Variants in FAM117A observed in about 807,000 individuals in gnomAD.
FAM117A encodes the protein protein FAM117A.
In FAM117A, 21 loss-of-function variants were observed where a neutral mutation model predicts 44.1. The observed-to-expected ratio is 0.48, with a 90% confidence interval of 0.34 to 0.69. The LOEUF (loss-of-function observed/expected upper bound fraction) is 0.69. FAM117A is among the 30% of genes least tolerant of loss of function. The pLI, the probability that FAM117A is intolerant of heterozygous loss-of-function variation, is 0.01. For missense variants in FAM117A, 498 were observed against 589.9 expected (o/e 0.84, Z 1.61); for synonymous variants, 220 against 238.3 (o/e 0.92, Z 0.71).
At chr17:49,782,698 A>G (rs1228697194) in intron 1 of FAM117A, among the ~76,000 whole-genome samples, 1 of 122,540 alleles carries the variant, frequency 8.2e-6, no homozygotes, top group Non-Finnish European at 2.0e-5. Context: ...TCAAAAAAAA[A>G]AAAAAAAAAA....
In FAM117A at chr17:49,717,673, G is replaced by T. The variant is rs35495960; in HGVS notation, c.750C>A (p.Pro250=). ...GGGGATGATCACAGCTGCCACTCTG[G>T]GGAGGAGCTGGGGCCCGGTGCCCAT... ...IPDGHRAPAP[P]QSGSCDHPLL... is the part of the protein sequence containing the mutation. Residue 250 remains proline (P), a synonymous_variant, in exon 6 of 8, where the codon CCC becomes CCA. Coordinates refer to ENST00000240364, the MANE Select transcript of FAM117A (RefSeq NM_030802.4). 3 of 1,613,400 alleles carry T rather than the reference G, an allele frequency of 1.9e-6. No homozygotes were observed. The highest frequency in any genetic ancestry group is 1.7e-5 in the Admixed American group (1 of 59,964).
intron 1 of FAM117A, among the ~76,000 whole-genome samples, chr17:49,787,701 C>T (rs997504134): frequency 6.6e-6 from 1 of 152,242 alleles, no homozygotes; most frequent in Non-Finnish European, 1.5e-5. Flanking sequence ...AAATCCTCAA[C>T]GCCTGCTCTC....
At chr17:49,774,382 C>T (rs904366469) in intron 1 of FAM117A, among the ~76,000 whole-genome samples, 34 of 136,904 alleles carry the variant, frequency 2.5e-4, no homozygotes, top group East Asian at 1.1e-3. Flanking sequence ...TTTTTTGAGA[C>T]GGAGTCTCGC....
chr17:49,730,203 A>G (rs774029751), intron 2 of FAM117A, among the ~76,000 whole-genome samples: 2 of 152,238 alleles, frequency 1.3e-5, no homozygotes, highest in African/African-American at 4.8e-5. Flanking sequence ...TGCGGCCACA[A>G]TATTGACAGG....
At chr17:49,716,403 GCTGGGGAC>G (rs1220071955) in intron 6 of FAM117A, 88 bp from the exon 7 acceptor site, 1 of 1,193,254 alleles carries the variant, frequency 8.4e-7, no homozygotes, top group African/African-American at 1.6e-5. Flanking sequence ...AAGTGGCAAG[GCTGGGGAC>G]ACATGGTAAG....
At chr17:49,788,225 G>T (rs1039179141) in intron 1 of FAM117A, among the ~76,000 whole-genome samples, 1 of 152,096 alleles carries the variant, frequency 6.6e-6, no homozygotes, top group African/African-American at 2.4e-5. Context: ...TCGAGACCAC[G>T]ATGTTTCTTA....
At chr17:49,714,021 G>A (rs2073490335) in intron 7 of FAM117A, among the ~76,000 whole-genome samples, 1 of 152,134 alleles carries the variant, frequency 6.6e-6, no homozygotes, top group Non-Finnish European at 1.5e-5. Flanking sequence ...TTTACGGAGG[G>A]ATGGGGAATG....
At chr17:49,753,543 C>G (rs183451153) in intron 1 of FAM117A, among the ~76,000 whole-genome samples, 4 of 152,196 alleles carry the variant, frequency 2.6e-5, no homozygotes, top group African/African-American at 7.2e-5. Context: ...AGGCCAGGCA[C>G]GGTGGCTCAC....
At chr17:49,739,331 C>T (rs571269140) in intron 1 of FAM117A, among the ~76,000 whole-genome samples, 1 of 152,244 alleles carries the variant, frequency 6.6e-6, no homozygotes, top group South Asian at 2.1e-4. Flanking sequence ...GGGAAGATGC[C>T]CATTTTTAAT....
intron 1 of FAM117A, among the ~76,000 whole-genome samples, chr17:49,770,451 A>T (rs555700898): frequency 1.9e-4 from 29 of 152,092 alleles, no homozygotes; most frequent in Non-Finnish European, 1.6e-4. Flanking sequence ...CAGAAACGCA[A>T]ATTTATAGAG....
At chr17:49,787,775 C>T (rs950958117) in intron 1 of FAM117A, among the ~76,000 whole-genome samples, 1 of 152,206 alleles carries the variant, frequency 6.6e-6, no homozygotes, top group African/African-American at 2.4e-5. Flanking sequence ...CTTCTCCTTC[C>T]TAGGCCCTCT....
At chr17:49,775,442 G>A (rs1255024748) in intron 1 of FAM117A, among the ~76,000 whole-genome samples, 3 of 152,176 alleles carry the variant, frequency 2.0e-5, no homozygotes, top group Non-Finnish European at 2.9e-5. Context: ...TCAACAAAAT[G>A]GCCTTGGCAG....
At chr17:49,731,754 G>C (rs1357652708) in intron 2 of FAM117A, among the ~76,000 whole-genome samples, 1 of 152,022 alleles carries the variant, frequency 6.6e-6, no homozygotes, top group Non-Finnish European at 1.5e-5. Context: ...TGTTGGCCTT[G>C]GTTTAATTTT....
chr17:49,786,625 A>G (rs2073806747), intron 1 of FAM117A, among the ~76,000 whole-genome samples: 2 of 152,088 alleles, frequency 1.3e-5, no homozygotes, highest in South Asian at 4.1e-4. Context: ...AAAAATACAA[A>G]AAGTAGCCAC....
intron 1 of FAM117A, among the ~76,000 whole-genome samples, chr17:49,737,047 C>T (rs943977047): frequency 2.6e-5 from 4 of 152,234 alleles, no homozygotes; most frequent in Non-Finnish European, 5.9e-5. Flanking sequence ...GGGGTTCTGA[C>T]TTTGCATGTG....
chr17:49,786,095 G>A (rs1471744401), intron 1 of FAM117A, among the ~76,000 whole-genome samples: 5 of 152,106 alleles, frequency 3.3e-5, no homozygotes, highest in African/African-American at 1.2e-4. Flanking sequence ...AAATATACCT[G>A]GCTGGTCTAC....
chr17:49,769,815 C>G (rs1401550920), intron 1 of FAM117A, among the ~76,000 whole-genome samples: 6 of 152,006 alleles, frequency 3.9e-5, no homozygotes, highest in African/African-American at 1.4e-4. Context: ...TTGGAAGAAA[C>G]AGTAGAAACT....
intron 1 of FAM117A, among the ~76,000 whole-genome samples, chr17:49,733,595 C>T (rs900350551): frequency 2.6e-5 from 4 of 151,898 alleles, no homozygotes; most frequent in Non-Finnish European, 5.9e-5. Flanking sequence ...ATTGGTTGAA[C>T]CTGGGAGGTG....
intron 1 of FAM117A, among the ~76,000 whole-genome samples, chr17:49,780,375 T>C (rs145106499): frequency 6.6e-6 from 1 of 152,198 alleles, no homozygotes; most frequent in African/African-American, 2.4e-5. Context: ...ATGGTTCTTA[T>C]AGTGGGCAAG....
Sources: gnomAD v4.1 joint callset for allele counts (sites outside exome capture counted in the v4.1 genomes callset) on GRCh38, gnomAD v4.1.1 for gene constraint, MANE v1.5 for transcripts, NCBI Gene and HGNC (gene_info 2026-07-23, HGNC 2026-07-21) for gene names.